The following PARD6G variants were observed in gnomAD, a reference collection of about 807,000 sequenced individuals.
PARD6G encodes par-6 family cell polarity regulator gamma.
A neutral mutation model predicts 10.7 loss-of-function variants in PARD6G; 7 were observed. The ratio of observed to expected loss-of-function variants is 0.66; its 90% confidence interval spans 0.37 to 1.23. PARD6G has a LOEUF of 1.23. Ranked by LOEUF, PARD6G falls within the 50% of genes most tolerant of loss-of-function variation. The pLI, the probability that PARD6G is intolerant of heterozygous loss-of-function variation, is 0.02. For synonymous variants in PARD6G, 287 were observed against 269.4 expected, an observed-to-expected ratio of 1.07 and a Z score of -0.64; for missense variants, 548 against 571.8, an observed-to-expected ratio of 0.96 and a Z score of 0.42.
rs144541823 is a variant in PARD6G at position 80,242,351 on chromosome 18, G to GCCAC, written c.72+4922_72+4925dup. On this transcript the variant is annotated intron_variant, in intron 1 of 2. Coordinates refer to ENST00000353265, the MANE Select transcript of PARD6G (RefSeq NM_032510.4). Reference sequence around the variant, plus strand: ...ACTGGCCCACAGGAGGCAAGTGTCAGCCACCCAATGGGGAGGCCTGGCCTC... The same window carrying GCCAC: ...ACTGGCCCACAGGAGGCAAGTGTCAGCCACCCACCCAATGGGGAGGCCTGGCCTC... Among the ~76,000 whole-genome samples the GCCAC allele has an allele frequency of 2.3e-3, 350 of 152,328 alleles. 8 individuals carry two copies. The East Asian group carries it at 0.036, about 16-fold the overall frequency.
intron 1 of PARD6G, among the ~76,000 whole-genome samples, chr18:80,226,165 T>G (rs1462758459): frequency 0.36 from 35,624 of 98,744 alleles, 10,322 homozygotes; most frequent in Non-Finnish European, 0.5. Flanking sequence ...TTTTTTTTTT[T>G]TTTTTTTTTT....
chr18:80,157,415 C>T lies in PARD6G; in HGVS notation c.*2356G>A, dbSNP rs1401115507. ...GTAATTCCTAAAATTATGAATAGCA[C>T]ACAAATCTCAGTGAAAGCCTCATTT... is the stretch of plus-strand genomic sequence containing the variant. On this transcript the variant is annotated 3_prime_UTR_variant, in exon 3 of 3. Coordinates refer to ENST00000353265, the MANE Select transcript of PARD6G (RefSeq NM_032510.4). 1.3e-5 allele frequency: 2 copies of T among 152,082 alleles called. No homozygotes were observed. Among genetic ancestry groups the T allele is most frequent in the Admixed American group, 6.5e-5 (1 of 15,290 alleles). The allele number at this position is 152,082 out of a possible 1,614,324, so 9.4% of individuals were successfully genotyped here.
rs1302144513 is a variant in PARD6G at position 80,192,917 on chromosome 18, T to C, written c.295+9793A>G. On this transcript the variant is annotated intron_variant, in intron 2 of 2. Transcript: ENST00000353265. This position sits in a 1 kb window ranked among gnomAD's most constrained non-coding sequence, Gnocchi z 4.9. ...GGAGCTGCTTGGCAGCAACTTCTGG[T>C]GGATGAAGCACCAATGTGTCCAAGT... 6.6e-6 allele frequency among the ~76,000 whole-genome samples: 1 copy of C among 152,038 alleles called. No individual in the cohort carries two copies. The highest frequency in any genetic ancestry group is 1.5e-5 in the Non-Finnish European group (1 of 67,996).
chr18:80,165,613 T>C (rs1284679122), intron 2 of PARD6G, among the ~76,000 whole-genome samples: 2 of 152,198 alleles, frequency 1.3e-5, no homozygotes, highest in Non-Finnish European at 2.9e-5. Context: ...CTGATAAATG[T>C]CCATGAAATC....
intron 1 of PARD6G, among the ~76,000 whole-genome samples, chr18:80,215,875 T>C (rs751907137): frequency 4.6e-5 from 7 of 152,072 alleles, no homozygotes; most frequent in Non-Finnish European, 1.0e-4. Context: ...TCTCCAGTTA[T>C]ATGAGGAGAC....
Position 80,166,147 on chromosome 18 carries a change from A to G in PARD6G, c.296-5541T>C, listed in dbSNP as rs372187973. On this transcript the variant is annotated intron_variant, in intron 2 of 2. Coordinates refer to ENST00000353265, the MANE Select transcript of PARD6G (RefSeq NM_032510.4). Reference sequence around the variant, plus strand: ...CCACTTTGTCACCATTTGGACCTGTAAACAAATGTGACTGTTCCCTTGTAT... The same window carrying G: ...CCACTTTGTCACCATTTGGACCTGTGAACAAATGTGACTGTTCCCTTGTAT... Among the ~76,000 whole-genome samples, 16 of 152,218 alleles carry G rather than the reference A, an allele frequency of 1.1e-4. No individual in the cohort carries two copies. The East Asian group carries it at 2.9e-3, about 28-fold the overall frequency.
intron 1 of PARD6G, among the ~76,000 whole-genome samples, chr18:80,227,488 C>G (rs1442298746): frequency 1.3e-5 from 2 of 152,314 alleles, no homozygotes; most frequent in Middle Eastern, 3.4e-3. Context: ...GCAACAAAAA[C>G]AGGGAGGCAA....
At position 80,238,489 on chromosome 18, in the gene PARD6G, A is replaced by G. The variant is rs529430623; in HGVS notation, c.72+8788T>C. Among the ~76,000 whole-genome samples, 15 of 135,962 alleles carry G rather than the reference A, an allele frequency of 1.1e-4. No individual in the cohort carries two copies. In the South Asian group the frequency reaches 1.8e-3, roughly 16 times the overall value. The allele number at this position is 135,962 out of a possible 152,430, so 89.2% of individuals were successfully genotyped here. On this transcript the variant is annotated intron_variant, in intron 1 of 2. Coordinates refer to ENST00000353265, the MANE Select transcript of PARD6G (RefSeq NM_032510.4). ...ACAAGTACCCTAAAACTTAAAGTAT[A>G]ACAAAAAAAAAAACAACTATTTTTT...
At chr18:80,198,243 T>A (rs901321852) in intron 2 of PARD6G, among the ~76,000 whole-genome samples, 2 of 152,200 alleles carry the variant, frequency 1.3e-5, no homozygotes, top group Non-Finnish European at 2.9e-5. Context: ...TAACCTGGTA[T>A]AAGCCGAGAG....
At chr18:80,238,500 AAAC>A (rs1318979155) in intron 1 of PARD6G, among the ~76,000 whole-genome samples, 5 of 151,992 alleles carry the variant, frequency 3.3e-5, no homozygotes, top group Non-Finnish European at 5.9e-5. Flanking sequence ...ACAAAAAAAA[AAAC>A]AACTATTTTT....
intron 1 of PARD6G, among the ~76,000 whole-genome samples, chr18:80,213,138 G>A (rs1678788168): frequency 6.6e-6 from 1 of 152,122 alleles, no homozygotes; most frequent in African/African-American, 2.4e-5. Context: ...AGGACTTACT[G>A]GACTTAATAC....
intron 2 of PARD6G, among the ~76,000 whole-genome samples, chr18:80,191,682 T>G (rs942554460): frequency 1.3e-5 from 2 of 152,210 alleles, no homozygotes; most frequent in African/African-American, 2.4e-5. Flanking sequence ...ATGCCACAAT[T>G]TAAATATATT....
intron 2 of PARD6G, chr18:80,170,150 A>G (rs1464475343): frequency 2.6e-5 from 4 of 152,282 alleles, no homozygotes; most frequent in Admixed American, 1.3e-4. Context: ...GTCAAAACAC[A>G]TGCCAGAACA....
In PARD6G at chr18:80,188,002, C is replaced by G. The variant is rs907373474; in HGVS notation, c.295+14708G>C. On this transcript the variant is annotated intron_variant, in intron 2 of 2. Coordinates refer to ENST00000353265, the MANE Select transcript of PARD6G (RefSeq NM_032510.4). This position sits in a 1 kb window ranked among gnomAD's most constrained non-coding sequence, Gnocchi z 5.4. ...AGATAAGGTGCAGAAAAAATAAAATCTTACGGGACTGCTGCATATGTGCTC... is the reference window on the plus strand; with the variant it reads ...AGATAAGGTGCAGAAAAAATAAAATGTTACGGGACTGCTGCATATGTGCTC... 17 of 152,234 alleles carry G rather than the reference C, an allele frequency of 1.1e-4. No individual in the cohort carries two copies. The highest frequency in any genetic ancestry group is 3.6e-4 in the African/African-American group (15 of 41,458). The allele number at this position is 152,234 out of a possible 1,614,324, so 9.4% of individuals were successfully genotyped here. A position where few individuals can be genotyped will look rare whatever the true frequency, so the allele number is the denominator to read the frequency against.
At chr18:80,194,918 A>G (rs560102267) in intron 2 of PARD6G, among the ~76,000 whole-genome samples, 1 of 152,018 alleles carries the variant, frequency 6.6e-6, no homozygotes, top group South Asian at 2.1e-4. Context: ...ACTAGAGACA[A>G]CCCTCCTGGG....
At chr18:80,234,061 T>C (rs982714749) in intron 1 of PARD6G, among the ~76,000 whole-genome samples, 12 of 152,160 alleles carry the variant, frequency 7.9e-5, no homozygotes, top group Admixed American at 3.3e-4. Flanking sequence ...CTCTTGGCCC[T>C]GCGGGTGTCC....
At chr18:80,238,272 A>G (rs1212652627) in intron 1 of PARD6G, among the ~76,000 whole-genome samples, 1 of 152,150 alleles carries the variant, frequency 6.6e-6, no homozygotes, top group Non-Finnish European at 1.5e-5. Context: ...GTTCTCACTC[A>G]TAGGTGGGAA....
At position 80,247,265 on chromosome 18, in the gene PARD6G, CG is replaced by C; in HGVS notation, c.72+11del. 4 of 1,570,124 alleles carry C rather than the reference CG, an allele frequency of 2.5e-6. No individual in the cohort carries two copies. Among genetic ancestry groups the C allele is most frequent in the Non-Finnish European group, 3.5e-6 (4 of 1,158,204 alleles). On this transcript the variant is annotated intron_variant, in intron 1 of 2. Coordinates refer to ENST00000353265, the MANE Select transcript of PARD6G (RefSeq NM_032510.4). This position sits in a 1 kb window ranked among gnomAD's most constrained non-coding sequence, Gnocchi z 4.2. Reference sequence around the variant, plus strand: ...CTGGGCGCAGGGCCGCCGGGGCGGGCGGGGGGCTTACCTTGCTCTTGACTTC... The same window carrying C: ...CTGGGCGCAGGGCCGCCGGGGCGGGCGGGGGCTTACCTTGCTCTTGACTTC...
In PARD6G at chr18:80,164,881, A is replaced by C. The variant is rs147151571; in HGVS notation, c.296-4275T>G. ...ACAAAGATCACATGCTTCAAAAGGC[A>C]AAAAGCAGACGTACTAATAACGGTC... On this transcript the variant is annotated intron_variant, in intron 2 of 2. Coordinates refer to ENST00000353265, the MANE Select transcript of PARD6G (RefSeq NM_032510.4). 3.9e-5 allele frequency among the ~76,000 whole-genome samples: 6 copies of C among 152,340 alleles called. No homozygotes were observed. The East Asian group carries it at 1.2e-3, about 29-fold the overall frequency.
Sources: allele counts gnomAD v4.1 joint callset (sites outside exome capture counted in the v4.1 genomes callset), GRCh38; gene constraint gnomAD v4.1.1; non-coding constraint Gnocchi (gnomAD v3.1); transcripts MANE v1.5; gene names NCBI Gene and HGNC (gene_info 2026-07-23, HGNC 2026-07-21).